PIGK: variants seen among roughly 807,000 people sequenced by gnomAD.
The protein encoded by PIGK is GPI-anchor transamidase.
A neutral mutation model predicts 50.6 loss-of-function variants in PIGK; 42 were observed. That is an observed-to-expected ratio of 0.83 (90% CI 0.65 to 1.07). The LOEUF (loss-of-function observed/expected upper bound fraction) is 1.07, where lower values mean the gene tolerates loss of function less well. Among genes scored for constraint, PIGK ranks in the 50% least tolerant of loss-of-function variants. The probability of loss-of-function intolerance (pLI) is 0.00; values close to 1 mark genes in which losing one functional copy is unlikely to be tolerated. For missense variants in PIGK, 448 were observed against 488.7 expected (o/e 0.92, Z 0.78); for synonymous variants, 151 against 156.0 (o/e 0.97, Z 0.24).
chr1:77,105,542 C>T (rs1024272617), intron 10 of PIGK, among the ~76,000 whole-genome samples: 3 of 151,684 alleles, frequency 2.0e-5, no homozygotes, highest in Non-Finnish European at 4.4e-5. Flanking sequence ...CCCTAAAGCT[C>T]AACACCAAGC....
At chr1:77,124,492 C>CCAAGCACCT (rs904691737) in intron 9 of PIGK, among the ~76,000 whole-genome samples, 1 of 151,902 alleles carries the variant, frequency 6.6e-6, no homozygotes, top group African/African-American at 2.4e-5. Flanking sequence ...ACCTGTAGTC[C>CCAAGCACCT]CAGCTGCTTG....
chr1:77,179,778 T>A (rs545366019), intron 3 of PIGK, among the ~76,000 whole-genome samples: 25 of 152,330 alleles, frequency 1.6e-4, no homozygotes, highest in Non-Finnish European at 1.9e-4. Flanking sequence ...ATATAGATAA[T>A]GTCTGTTCAT....
chr1:77,163,611 C>G (rs988683614), intron 6 of PIGK, among the ~76,000 whole-genome samples: 2 of 151,956 alleles, frequency 1.3e-5, no homozygotes, highest in Non-Finnish European at 2.9e-5. Context: ...AAAAAAGATG[C>G]TAAATAACAA....
intron 3 of PIGK, among the ~76,000 whole-genome samples, chr1:77,180,545 C>A (rs1655587309): frequency 6.6e-6 from 1 of 152,138 alleles, no homozygotes; most frequent in South Asian, 2.1e-4. Context: ...AAGTTAAGGA[C>A]ACGTGCCCAG....
chr1:77,178,896 C>T (rs1655548081), intron 3 of PIGK, among the ~76,000 whole-genome samples: 1 of 152,116 alleles, frequency 6.6e-6, no homozygotes, highest in South Asian at 2.1e-4. Flanking sequence ...ATGATGGTAA[C>T]TGAGAGTGGC....
At chr1:77,118,978 T>A (rs568279929) in intron 10 of PIGK, among the ~76,000 whole-genome samples, 1 of 152,340 alleles carries the variant, frequency 6.6e-6, no homozygotes, top group South Asian at 2.1e-4. Context: ...TTTCTTATCA[T>A]GAATTGGAAT....
intron 9 of PIGK, among the ~76,000 whole-genome samples, chr1:77,134,921 T>C (rs939645870): frequency 1.3e-5 from 2 of 152,308 alleles, no homozygotes; most frequent in African/African-American, 2.4e-5. Context: ...TTCCCAAATA[T>C]ATGTTTTAAA....
chr1:77,197,743 T>C (rs1490762062), intron 3 of PIGK, among the ~76,000 whole-genome samples: 3 of 152,220 alleles, frequency 2.0e-5, no homozygotes, highest in Non-Finnish European at 4.4e-5. Context: ...AGTAGTCTGA[T>C]TCTGGGGCTT....
At chr1:77,158,571 A>C (rs1396188421) in intron 8 of PIGK, among the ~76,000 whole-genome samples, 1 of 152,118 alleles carries the variant, frequency 6.6e-6, no homozygotes, top group Non-Finnish European at 1.5e-5. Flanking sequence ...TTAACCAAAA[A>C]GTCCAGGCTG....
At chr1:77,173,707 G>A (rs1224075182) in intron 3 of PIGK, among the ~76,000 whole-genome samples, 1 of 152,156 alleles carries the variant, frequency 6.6e-6, no homozygotes, top group East Asian at 1.9e-4. Flanking sequence ...TTTCTGTATG[G>A]TTCTGTTATA....
chr1:77,163,358 A>G (rs951522107), intron 6 of PIGK, among the ~76,000 whole-genome samples: 2 of 152,168 alleles, frequency 1.3e-5, no homozygotes, highest in African/African-American at 4.8e-5. Context: ...AGTCATATGC[A>G]TGACAGCTTC....
At chr1:77,098,087 G>C (rs995871276) in intron 10 of PIGK, among the ~76,000 whole-genome samples, 2 of 152,048 alleles carry the variant, frequency 1.3e-5, no homozygotes, top group Non-Finnish European at 1.5e-5. Flanking sequence ...TATTATAAAA[G>C]GGCTATCACA....
At chr1:77,180,250 T>C (rs1655579989) in intron 3 of PIGK, among the ~76,000 whole-genome samples, 1 of 152,160 alleles carries the variant, frequency 6.6e-6, no homozygotes, top group Non-Finnish European at 1.5e-5. Context: ...AAACACAGCA[T>C]ACATAATATG....
At position 77,166,719 on chromosome 1, in the gene PIGK, C is replaced by A; in HGVS notation, c.487G>T (p.Gly163Trp). The change falls in exon 5 of 11, where the codon GGG becomes TGG. Residue 163 changes from glycine to tryptophan, a missense_variant and splice_region_variant. Gly to Trp is a radical substitution (Grantham distance 184, BLOSUM62 -2). Coordinates refer to ENST00000370812, the MANE Select transcript of PIGK (RefSeq NM_005482.3). ...DRSNILIYMT[G>W]HGGNGFLKFQ... ...TAAAAACTCTAAATTATGAAATTAC[C>A]TGTCATATAAATTAGAATATTGCTT... 7.1e-7 allele frequency: 1 copy of A among 1,408,042 alleles called. No individual in the cohort carries two copies. Among genetic ancestry groups the A allele is most frequent in the Non-Finnish European group, 9.9e-7 (1 of 1,009,892 alleles). 87.2% of individuals were successfully genotyped at this position (1,408,042 alleles called of 1,614,324 possible). A position where few individuals can be genotyped will look rare whatever the true frequency, so the allele number is the denominator to read the frequency against.
At position 77,091,384 on chromosome 1, in the gene PIGK, T is replaced by C. The variant is rs375762147; in HGVS notation, c.*990A>G. The stretch of plus-strand genomic sequence containing the variant: ...AGACATGAAGGCTAGGCCATAAGCA[T>C]ACATTTTCTTCACAGGTCCATCCAC... On this transcript the variant is annotated 3_prime_UTR_variant, in exon 11 of 11. Coordinates refer to ENST00000370812, the MANE Select transcript of PIGK (RefSeq NM_005482.3). 2 of 152,216 alleles carry C rather than the reference T, an allele frequency of 1.3e-5. No individual in the cohort carries two copies. Among genetic ancestry groups the C allele is most frequent in the African/African-American group, 2.4e-5 (1 of 41,454 alleles). 9.4% of individuals were successfully genotyped at this position (152,216 alleles called of 1,614,324 possible).
intron 2 of PIGK, among the ~76,000 whole-genome samples, chr1:77,210,076 T>A (rs1012318897): frequency 2.6e-5 from 4 of 152,000 alleles, no homozygotes; most frequent in Non-Finnish European, 4.4e-5. Flanking sequence ...ACTGAAAAAA[T>A]TTTAAAAAGT....
At chr1:77,123,340 C>T (rs1449309693) in intron 9 of PIGK, among the ~76,000 whole-genome samples, 1 of 151,992 alleles carries the variant, frequency 6.6e-6, no homozygotes, top group Non-Finnish European at 1.5e-5. Context: ...ATAAATGAAA[C>T]AAGATTGGCT....
intron 9 of PIGK, among the ~76,000 whole-genome samples, chr1:77,124,613 CA>C (rs1406870850): frequency 8.8e-5 from 12 of 136,424 alleles, no homozygotes; most frequent in African/African-American, 3.0e-4. Flanking sequence ...TCAAAACAAA[CA>C]AACAACAAAA....
At chr1:77,105,404 T>C (rs1009700927) in intron 10 of PIGK, among the ~76,000 whole-genome samples, 1 of 151,976 alleles carries the variant, frequency 6.6e-6, no homozygotes, top group Non-Finnish European at 1.5e-5. Flanking sequence ...GGCTGTTTGC[T>C]TTTTTGGCTT....
Sources: allele counts gnomAD v4.1 joint callset (sites outside exome capture counted in the v4.1 genomes callset), GRCh38; gene constraint gnomAD v4.1.1; transcripts MANE v1.5; gene names NCBI Gene and HGNC (gene_info 2026-07-23, HGNC 2026-07-21).